ZNF385D: variants seen among roughly 807,000 people sequenced by gnomAD.
ZNF385D encodes zinc finger protein 385D, also known as zinc finger protein 659.
A neutral mutation model predicts 35.8 loss-of-function variants in ZNF385D; 15 were observed. The observed-to-expected ratio is 0.42, with a 90% CI of 0.28 to 0.64. The LOEUF (loss-of-function observed/expected upper bound fraction) is 0.64. Ranked by LOEUF, ZNF385D falls within the 30% of genes least tolerant of loss-of-function variation. The pLI is 0.23. For synonymous variants in ZNF385D, 212 were observed against 186.8 expected, an observed-to-expected ratio of 1.13 and a Z score of -1.10; for missense variants, 474 against 494.6, an observed-to-expected ratio of 0.96 and a Z score of 0.39.
At chr3:21,765,858 T>A (rs181205096) in intron 3 of ZNF385D, among the ~76,000 whole-genome samples, 41 of 152,214 alleles carry the variant, frequency 2.7e-4, no homozygotes, top group African/African-American at 9.6e-4. Context: ...TTTTTAATTA[T>A]CTCGTGTTTT....
chr3:21,561,086 A>AG lies in ZNF385D; in HGVS notation c.276+3487dup, dbSNP rs535288740. Among the ~76,000 whole-genome samples the AG allele has an allele frequency of 3.7e-4, 56 of 152,194 alleles. 1 individual carries two copies. The East Asian group carries it at 9.9e-3, about 27-fold the overall frequency. ...GTGGATCTTAGCCTGCTGGGCTCTG[A>AG]GGGGGTGGGACCCCCGAGCCAGACC... On this transcript the variant is annotated intron_variant, in intron 3 of 7. Transcript: ENST00000281523.
chr3:21,424,317 A>ATATATATATATAT (rs1221923155), intron 6 of ZNF385D, among the ~76,000 whole-genome samples: 4 of 63,812 alleles, frequency 6.3e-5, no homozygotes, highest in African/African-American at 2.5e-4. Flanking sequence ...ATATATATAT[A>ATATATATATATAT]TTTTTTTTTT....
chr3:21,423,311 G>C (rs1016751065), intron 7 of ZNF385D, among the ~76,000 whole-genome samples: 1 of 152,144 alleles, frequency 6.6e-6, no homozygotes, highest in East Asian at 1.9e-4. Flanking sequence ...GATCTATTTT[G>C]TATAAATGTT....
intron 3 of ZNF385D, among the ~76,000 whole-genome samples, chr3:21,835,562 A>T (rs1163220643): frequency 1.3e-5 from 2 of 151,964 alleles, no homozygotes; most frequent in Admixed American, 1.3e-4. Flanking sequence ...TTCACTAAGG[A>T]TAAAGGCACA....
chr3:21,546,288 AC>A (rs2062369437), intron 3 of ZNF385D, among the ~76,000 whole-genome samples: 1 of 152,040 alleles, frequency 6.6e-6, no homozygotes, highest in African/African-American at 2.4e-5. Context: ...CCGGATTGAT[AC>A]TCTAGTTCTG....
chr3:21,665,131 A>G (rs956799554), intron 1 of ZNF385D, 103 bp from the exon 2 acceptor site: 4 of 1,400,226 alleles, frequency 2.9e-6, no homozygotes, highest in Non-Finnish European at 3.8e-6. Flanking sequence ...GGGTCACTGG[A>G]AAAAACAAGA....
intron 2 of ZNF385D, among the ~76,000 whole-genome samples, chr3:21,604,383 T>G (rs1411867740): frequency 6.6e-6 from 1 of 152,144 alleles, no homozygotes; most frequent in African/African-American, 2.4e-5. Context: ...CTGAAAATTT[T>G]TGGTTTTTGG....
chr3:21,613,049 T>A (rs544185334), intron 2 of ZNF385D, among the ~76,000 whole-genome samples: 27 of 151,580 alleles, frequency 1.8e-4, no homozygotes, highest in African/African-American at 6.3e-4. Context: ...AATTCAGTGC[T>A]AGGCTCGTTA....
At chr3:22,152,037 G>C (rs1242492560) in intron 3 of ZNF385D, among the ~76,000 whole-genome samples, 3 of 152,016 alleles carry the variant, frequency 2.0e-5, no homozygotes, top group Admixed American at 6.6e-5. Flanking sequence ...TTCAGGGTTT[G>C]TTGTTCCCCT....
chr3:21,441,643 TAGA>T, intron 4 of ZNF385D: 1 of 971,754 alleles, frequency 1.0e-6, no homozygotes, highest in Non-Finnish European at 1.2e-6. Flanking sequence ...TAAAATCATT[TAGA>T]AGGAGGAAAG....
At chr3:21,761,675 C>T (rs2125586820) in intron 3 of ZNF385D, among the ~76,000 whole-genome samples, 1 of 152,172 alleles carries the variant, frequency 6.6e-6, no homozygotes, top group Admixed American at 6.5e-5. Context: ...GAGTGCATGT[C>T]AACTCTCAAG....
intron 3 of ZNF385D, among the ~76,000 whole-genome samples, chr3:21,953,381 G>T (rs1025283605): frequency 2.0e-5 from 3 of 151,568 alleles, no homozygotes; most frequent in Admixed American, 6.6e-5. Context: ...ATTCCATTCT[G>T]ATTTTTCATT....
intron 2 of ZNF385D, among the ~76,000 whole-genome samples, chr3:22,260,167 A>G (rs564879906): frequency 5.8e-4 from 89 of 152,170 alleles, no homozygotes; most frequent in African/African-American, 2.0e-3. Context: ...CTGAAATAAT[A>G]TTCTAATTAA....
At chr3:21,475,542 A>G (rs999414121) in intron 4 of ZNF385D, among the ~76,000 whole-genome samples, 13 of 152,142 alleles carry the variant, frequency 8.5e-5, no homozygotes, top group Admixed American at 5.9e-4. Flanking sequence ...TATTATTTAG[A>G]CTGACTTCTC....
At position 21,684,404 on chromosome 3, in the gene ZNF385D, CCTCTCT is replaced by C. The variant is rs71044934; in HGVS notation, c.23-19382_23-19377del. On this transcript the variant is annotated intron_variant, in intron 1 of 7. Coordinates refer to ENST00000281523, the MANE Select transcript of ZNF385D (RefSeq NM_024697.3). ...TCTCTCTCTCTCTCTCTCTCTCTCT[CCTCTCT>C]CTCTCTCTCTCTCTCTCTCTCCTCT... 1.8e-4 allele frequency among the ~76,000 whole-genome samples: 13 copies of C among 70,662 alleles called. 1 individual carries two copies. The highest frequency in any genetic ancestry group is 4.4e-4 in the African/African-American group (6 of 13,516). The allele number at this position is 70,662 out of a possible 152,430, so 46.4% of individuals were successfully genotyped here. A position where few individuals can be genotyped will look rare whatever the true frequency, so the allele number is the denominator to read the frequency against.
At chr3:22,313,966 C>G (rs971293736) in intron 2 of ZNF385D, among the ~76,000 whole-genome samples, 4 of 152,090 alleles carry the variant, frequency 2.6e-5, no homozygotes, top group African/African-American at 9.7e-5. Context: ...GTATGAAGCT[C>G]TGCATAAGTT....
At chr3:21,989,089 T>C (rs1694997613) in intron 3 of ZNF385D, among the ~76,000 whole-genome samples, 1 of 152,030 alleles carries the variant, frequency 6.6e-6, no homozygotes, top group Admixed American at 6.5e-5. Context: ...GTACCTCAGA[T>C]GGAAATGCAG....
intron 3 of ZNF385D, among the ~76,000 whole-genome samples, chr3:21,830,761 G>A (rs1335141775): frequency 1.6e-4 from 24 of 152,206 alleles, no homozygotes; most frequent in Admixed American, 1.6e-3. Flanking sequence ...TTTGCTTGCA[G>A]TGTACAAAGA....
chr3:22,066,968 T>C (rs562281575), intron 3 of ZNF385D, among the ~76,000 whole-genome samples: 1 of 152,306 alleles, frequency 6.6e-6, no homozygotes, highest in East Asian at 1.9e-4. Context: ...CTAACATCCA[T>C]CAAGTCAGCA....
Sources: allele counts gnomAD v4.1 joint callset (sites outside exome capture counted in the v4.1 genomes callset), GRCh38; gene constraint gnomAD v4.1.1; transcripts MANE v1.5; gene names NCBI Gene and HGNC (gene_info 2026-07-23, HGNC 2026-07-21).